SLC1A5: variants seen among roughly 807,000 people sequenced by gnomAD.
The protein encoded by SLC1A5 is neutral amino acid transporter B(0).
In SLC1A5, 25 loss-of-function variants were observed where a neutral mutation model predicts 34.9. That is an observed-to-expected ratio of 0.72 (90% confidence interval 0.52 to 1.00). The LOEUF is 1.00. Among genes scored for constraint, SLC1A5 ranks in the 50% least tolerant of loss-of-function variants. The probability of loss-of-function intolerance (pLI) is 0.00; values close to 1 mark genes in which losing one functional copy is unlikely to be tolerated. For synonymous variants in SLC1A5, 351 were observed against 341.2 expected, an observed-to-expected ratio of 1.03 and a Z score of -0.32; for missense variants, 637 against 740.0, an observed-to-expected ratio of 0.86 and a Z score of 1.61.
At chr19:46,780,842 G>T (rs971543742) in intron 4 of SLC1A5, among the ~76,000 whole-genome samples, 4 of 151,952 alleles carry the variant, frequency 2.6e-5, no homozygotes, top group African/African-American at 7.2e-5. Context: ...ATGGTGGTTC[G>T]TGCCTTTGGT....
chr19:46,787,691 G>C lies in SLC1A5; in HGVS notation c.275C>G (p.Pro92Arg), dbSNP rs1242606673. The change falls in exon 1 of 8, where the codon CCG becomes CGG. Residue 92 changes from proline to arginine, a missense_variant. By Grantham distance (103) the Pro-to-Arg change is moderately radical. Transcript: ENST00000542575. This position sits in a 1 kb window ranked among gnomAD's most constrained non-coding sequence, Gnocchi z 5.2. Reference protein sequence around the residue: ...GPERLSAFVFPGELLLRLLRM... With the variant: ...GPERLSAFVFRGELLLRLLRM... ...CAGCAGACGCAGCAGCAGCTCGCCCGGGAAGACGAAGGCGCTCAAGCGCTC... is the reference window on the plus strand; with the variant it reads ...CAGCAGACGCAGCAGCAGCTCGCCCCGGAAGACGAAGGCGCTCAAGCGCTC... 1.3e-6 allele frequency: 2 copies of C among 1,589,836 alleles called. No individual in the cohort carries two copies. The highest frequency in any genetic ancestry group is 8.5e-7 in the Non-Finnish European group (1 of 1,172,438).
At position 46,782,498 on chromosome 19, in the gene SLC1A5, A is replaced by C; in HGVS notation, c.709T>G (p.Phe237Val). Residue 237 changes from phenylalanine (F) to valine (V), a missense_variant, in exon 4 of 8, where the codon TTT (phenylalanine) becomes GTT (valine). By Grantham distance (50) the Phe-to-Val change is conservative. Transcript: ENST00000542575. ...AGCGCCACACCAAAGACGATGGCAA[A>C]CACTACCAAGCCCAGGATGTTCATC... The part of the protein sequence containing the change: ...EGMNILGLVV[F>V]AIVFGVALRK... The C allele has an allele frequency of 6.2e-7, 1 of 1,614,076 alleles. No homozygotes were observed. The highest frequency in any genetic ancestry group is 8.5e-7 in the Non-Finnish European group (1 of 1,180,014).
At chr19:46,783,979 G>T in intron 3 of SLC1A5, 118 bp downstream of exon 3, 1 of 758,186 alleles carries the variant, frequency 1.3e-6, no homozygotes. Flanking sequence ...ACAGAAATTG[G>T]GGAAGGACTG....
Position 46,782,360 on chromosome 19 carries a change from CAGCCTCCTCTCCCACCA to C in SLC1A5, c.824+6_824+22del. 5 of 1,332,696 alleles carry C rather than the reference CAGCCTCCTCTCCCACCA, an allele frequency of 3.8e-6. No homozygotes were observed. In the South Asian group the frequency reaches 4.8e-5, roughly 13 times the overall value. 82.6% of individuals were successfully genotyped at this position (1,332,696 alleles called of 1,614,324 possible). A position where few individuals can be genotyped will look rare whatever the true frequency, so the allele number is the denominator to read the frequency against. ...CCGACCCTCCAACCCCACCCACCCCCAGCCTCCTCTCCCACCACCTACCACATGATCCAGGAGACCAG... is the reference window on the plus strand; with the variant it reads ...CCGACCCTCCAACCCCACCCACCCCCCCTACCACATGATCCAGGAGACCAG... On this transcript the variant is annotated splice_donor_region_variant and intron_variant, in intron 4 of 7. Coordinates refer to ENST00000542575, the MANE Select transcript of SLC1A5 (RefSeq NM_005628.3).
chr19:46,777,556 CT>C, intron 5 of SLC1A5, 151 bp from the exon 6 acceptor site: 1 of 721,236 alleles, frequency 1.4e-6, no homozygotes, highest in Non-Finnish European at 2.2e-6. Flanking sequence ...CAGAGCCTGC[CT>C]AAGCAAAGCC....
intron 3 of SLC1A5, 59 bp downstream of exon 3, chr19:46,784,038 C>A: frequency 7.0e-7 from 1 of 1,423,748 alleles, no homozygotes; most frequent in Non-Finnish European, 9.9e-7. Flanking sequence ...GAAATAAAAC[C>A]AAAAAATTAT....
intron 1 of SLC1A5, 147 bp from the exon 2 acceptor site, chr19:46,784,706 C>A: frequency 6.4e-7 from 1 of 1,555,604 alleles, no homozygotes; most frequent in Non-Finnish European, 8.7e-7. Context: ...ATGCCTCAGC[C>A]CGGCAGGGTT....
intron 3 of SLC1A5, among the ~76,000 whole-genome samples, chr19:46,783,045 G>A (rs1412988329): frequency 6.6e-6 from 1 of 152,166 alleles, no homozygotes; most frequent in Non-Finnish European, 1.5e-5. Flanking sequence ...GGCTGGCAGG[G>A]GTTTGACCTC....
intron 1 of SLC1A5, among the ~76,000 whole-genome samples, chr19:46,786,717 G>C (rs916176741): frequency 3.3e-5 from 5 of 152,216 alleles, no homozygotes; most frequent in Non-Finnish European, 7.3e-5. Flanking sequence ...CAGAGGCCAG[G>C]AGAAGGAAAA....
chr19:46,778,110 G>A (rs2055111524), intron 5 of SLC1A5, among the ~76,000 whole-genome samples: 4 of 152,160 alleles, frequency 2.6e-5, no homozygotes, highest in African/African-American at 9.6e-5. Flanking sequence ...GGTGGAAGGA[G>A]TTCTGAGGTT....
chr19:46,785,871 G>A (rs2055182300), intron 1 of SLC1A5, among the ~76,000 whole-genome samples: 1 of 152,154 alleles, frequency 6.6e-6, no homozygotes. Context: ...CTTGAGGTCA[G>A]GGGTTCGAGA....
chr19:46,777,965 C>T (rs1442394210), intron 5 of SLC1A5, among the ~76,000 whole-genome samples: 4 of 152,020 alleles, frequency 2.6e-5, no homozygotes, highest in Non-Finnish European at 2.9e-5. Flanking sequence ...TACTACCTCC[C>T]AAAATACCCA....
Position 46,787,218 on chromosome 19 carries a change from T to A in SLC1A5, c.566+182A>T. On this transcript the variant is annotated intron_variant, in intron 1 of 7. Transcript: ENST00000542575. The surrounding 1 kb of genome is among the most constrained non-coding windows in gnomAD (Gnocchi z 5.2). ...CAGGCCCCCAGATTTAGAAACCCCT[T>A]CCCCAGGAGACTAGACTCACACTCC... 1.4e-6 allele frequency: 2 copies of A among 1,423,860 alleles called. No individual in the cohort carries two copies. The highest frequency in any genetic ancestry group is 1.5e-5 in the South Asian group (1 of 64,680). 88.2% of individuals were successfully genotyped at this position (1,423,860 alleles called of 1,614,324 possible).
At position 46,787,906 on chromosome 19, in the gene SLC1A5, G is replaced by T. The variant is rs756726964; in HGVS notation, c.60C>A (p.Asn20Lys). Residue 20 changes from asparagine to lysine, a missense_variant, in exon 1 of 8, where the codon AAC (asparagine) becomes AAA (lysine). Coordinates refer to ENST00000542575, the MANE Select transcript of SLC1A5 (RefSeq NM_005628.3). The surrounding 1 kb of genome is among the most constrained non-coding windows in gnomAD (Gnocchi z 5.2). ...KGLAAAEPTA[N>K]GGLALASIED... ...CGATGGAGGCCAGCGCCAGGCCCCC[G>T]TTGGCGGTGGGCTCCGCCGCTGCGA... is the stretch of plus-strand genomic sequence containing the variant. The T allele has an allele frequency of 6.4e-7, 1 of 1,574,134 alleles. No homozygotes were observed. Among genetic ancestry groups the T allele is most frequent in the Non-Finnish European group, 8.6e-7 (1 of 1,161,428 alleles).
At position 46,778,590 on chromosome 19, in the gene SLC1A5, C is replaced by T. The variant is rs533080166; in HGVS notation, c.1058+85G>A. The T allele has an allele frequency of 7.4e-6, 7 of 945,564 alleles. No homozygotes were observed. In the African/African-American group the frequency reaches 8.2e-5, roughly 11 times the overall value. 58.6% of individuals were successfully genotyped at this position (945,564 alleles called of 1,614,324 possible). On this transcript the variant is annotated intron_variant, in intron 5 of 7. Coordinates refer to ENST00000542575, the MANE Select transcript of SLC1A5 (RefSeq NM_005628.3). ...GAAGTATGGCCCCTGTACCCAGATA[C>T]AATGTCCCGGGCAGAGAAAATTTCA...
In SLC1A5 at chr19:46,784,582, G is replaced by A. The variant is rs139543712; in HGVS notation, c.567-23C>T. 2,698 of 1,614,040 alleles carry A rather than the reference G, an allele frequency of 1.7e-3. 34 individuals carry two copies. The African/African-American group carries it at 0.029, about 18-fold the overall frequency. ...TTTCTGCAGAGACAGACACACAGAG[G>A]GTTATTAGATACCATAGTGGGAGGG... On this transcript the variant is annotated intron_variant, in intron 1 of 7. Transcript: ENST00000542575.
chr19:46,787,698 C>G lies in SLC1A5; in HGVS notation c.268G>C (p.Val90Leu). ...ALGPERLSAF[V>L]FPGELLLRLL... The stretch of plus-strand genomic sequence containing the variant: ...CGCAGCAGCAGCTCGCCCGGGAAGA[C>G]GAAGGCGCTCAAGCGCTCCGGGCCC... Residue 90 changes from valine to leucine, a missense_variant, in exon 1 of 8, where the codon GTC (valine) becomes CTC (leucine). By Grantham distance (32) the Val-to-Leu change is conservative. Coordinates refer to ENST00000542575, the MANE Select transcript of SLC1A5 (RefSeq NM_005628.3). The surrounding 1 kb of genome is among the most constrained non-coding windows in gnomAD (Gnocchi z 5.2). 1.3e-6 allele frequency: 2 copies of G among 1,586,692 alleles called. No individual in the cohort carries two copies. Among genetic ancestry groups the G allele is most frequent in the Non-Finnish European group, 1.7e-6 (2 of 1,171,072 alleles).
chr19:46,783,591 G>A (rs1476230685), intron 3 of SLC1A5, among the ~76,000 whole-genome samples: 1 of 152,148 alleles, frequency 6.6e-6, no homozygotes, highest in East Asian at 1.9e-4. Context: ...GAGCCCGAGA[G>A]TGCAAGACCA....
At chr19:46,784,265 T>G (rs925282923) in intron 2 of SLC1A5, 121 bp from the exon 3 acceptor site, 67 of 851,488 alleles carry the variant, frequency 7.9e-5, no homozygotes, top group Non-Finnish European at 2.1e-5. Context: ...TCATTTCATC[T>G]GCTGGCAACC....
Sources: allele counts gnomAD v4.1 joint callset (sites outside exome capture counted in the v4.1 genomes callset), GRCh38; gene constraint gnomAD v4.1.1; non-coding constraint Gnocchi (gnomAD v3.1); transcripts MANE v1.5; gene names NCBI Gene and HGNC (gene_info 2026-07-23, HGNC 2026-07-21).